The following RLN3 variants were observed in gnomAD, a reference collection of about 807,000 sequenced individuals.
RLN3 encodes relaxin 3.
Under a neutral mutation model 10.2 loss-of-function variants are expected in RLN3, and 13 were observed. The observed-to-expected ratio is 1.28, with a 90% CI of 0.83 to 2.03. RLN3 has a LOEUF of 2.03. Among genes scored for constraint, RLN3 ranks in the 30% most tolerant of loss-of-function variants. The pLI, the probability that RLN3 is intolerant of heterozygous loss-of-function variation, is 0.00. For synonymous variants in RLN3, 56 were observed against 79.2 expected, an observed-to-expected ratio of 0.71 and a Z score of 1.56; for missense variants, 191 against 187.2, an observed-to-expected ratio of 1.02 and a Z score of -0.12.
chr19:14,030,722 C>G lies in RLN3; in HGVS notation c.203C>G (p.Pro68Arg). 1 of 1,614,112 alleles carries G rather than the reference C, an allele frequency of 6.2e-7. No homozygotes were observed. Among genetic ancestry groups the G allele is most frequent in the East Asian group, 2.2e-5 (1 of 44,886 alleles). ...LAHEAMGDTF[P>R]DADADEDSLA... Reference sequence around the variant, plus strand: ...TCATCTTTTGCAGGAGATACCTTCCCGGATGCAGATGCTGATGAAGACAGT... The same window carrying G: ...TCATCTTTTGCAGGAGATACCTTCCGGGATGCAGATGCTGATGAAGACAGT... The change falls in exon 2 of 2, where the codon CCG becomes CGG. Residue 68 changes from proline (P) to arginine (R), a missense_variant. Transcript: ENST00000431365.
rs202200397 is a variant in RLN3 at position 14,030,850 on chromosome 19, C to T, written c.331C>T (p.Pro111Ser). 2 of 1,613,094 alleles carry T rather than the reference C, an allele frequency of 1.2e-6. No homozygotes were observed. Among genetic ancestry groups the T allele is most frequent in the East Asian group, 2.2e-5 (1 of 44,868 alleles). Residue 111 changes from proline (P) to serine (S), a missense_variant, in exon 2 of 2, where the codon CCT (proline) becomes TCT (serine). Transcript: ENST00000431365. ...GGGGCGACCCAGCTGGCAAGGAACC[C>T]CTGGGGTTCTTCGGGGCAGCCGAGA... ...YRGRPSWQGTPGVLRGSRDVL... is the reference protein window; with the variant it reads ...YRGRPSWQGTSGVLRGSRDVL...
chr19:14,030,709 G>GAT lies in RLN3; in HGVS notation c.191-1_191insAT (p.Gly64AspfsTer31). On this transcript the variant is annotated frameshift_variant and splice_region_variant. Coordinates refer to ENST00000431365, the MANE Select transcript of RLN3 (RefSeq NM_080864.4). LOFTEE classifies it high-confidence loss of function. ...TCACTAACTCTGTTCATCTTTTGCA[G>GAT]GAGATACCTTCCCGGATGCAGATGC... 1.2e-6 allele frequency: 2 copies of GAT among 1,613,850 alleles called. No individual in the cohort carries two copies. The highest frequency in any genetic ancestry group is 1.7e-6 in the Non-Finnish European group (2 of 1,179,668).
Position 14,030,851 on chromosome 19 carries a change from C to T in RLN3, c.332C>T (p.Pro111Leu), listed in dbSNP as rs1975793623. 2.5e-6 allele frequency: 4 copies of T among 1,613,078 alleles called. No individual in the cohort carries two copies. The highest frequency in any genetic ancestry group is 3.4e-6 in the Non-Finnish European group (4 of 1,179,220). ...YRGRPSWQGT[P>L]GVLRGSRDVL... is the part of the protein sequence containing the mutation. Reference sequence around the variant, plus strand: ...GGGCGACCCAGCTGGCAAGGAACCCCTGGGGTTCTTCGGGGCAGCCGAGAT... The same window carrying T: ...GGGCGACCCAGCTGGCAAGGAACCCTTGGGGTTCTTCGGGGCAGCCGAGAT... Residue 111 changes from proline (P) to leucine (L), a missense_variant, in exon 2 of 2, where the codon CCT (proline) becomes CTT (leucine). Coordinates refer to ENST00000431365, the MANE Select transcript of RLN3 (RefSeq NM_080864.4).
At chr19:14,028,418 G>A (rs966398744) in intron 1 of RLN3, 24 bp downstream of exon 1, 2 of 1,592,118 alleles carry the variant, frequency 1.3e-6, no homozygotes, top group East Asian at 2.2e-5. Flanking sequence ...GAGAGTGGAT[G>A]TAGAAGGGGA....
At chr19:14,030,577 A>G (rs1406957135) in intron 1 of RLN3, 133 bp from the exon 2 acceptor site, 2 of 850,978 alleles carry the variant, frequency 2.4e-6, no homozygotes, top group South Asian at 2.9e-5. Flanking sequence ...TGAACCCAGG[A>G]CTGGGTGGAA....
intron 1 of RLN3, chr19:14,030,206 T>C (rs926399089): frequency 1.6e-5 from 11 of 691,682 alleles, no homozygotes; most frequent in Admixed American, 6.4e-5. Context: ...CTTATAAAAC[T>C]TGAGAAGGTT....
chr19:14,028,301 A>G lies in RLN3; in HGVS notation c.97A>G (p.Arg33Gly), dbSNP rs142418208. ...AEARAAPYGV[R>G]LCGREFIRAV... The stretch of plus-strand genomic sequence containing the variant: ...GGCCCGGGCAGCGCCTTACGGGGTC[A>G]GGCTTTGCGGCCGAGAATTCATCCG... Residue 33 changes from arginine to glycine, a missense_variant, in exon 1 of 2, where the codon AGG becomes GGG. Coordinates refer to ENST00000431365, the MANE Select transcript of RLN3 (RefSeq NM_080864.4). 2.6e-4 allele frequency: 415 copies of G among 1,613,902 alleles called. 3 individuals are homozygous for G. The African/African-American group carries it at 5.2e-3, about 20-fold the overall frequency.
At chr19:14,029,997 A>G (rs1975773085) in intron 1 of RLN3, among the ~76,000 whole-genome samples, 1 of 151,200 alleles carries the variant, frequency 6.6e-6, no homozygotes, top group African/African-American at 2.4e-5. Context: ...CTAACTTTTT[A>G]TTATTTGTAG....
intron 1 of RLN3, among the ~76,000 whole-genome samples, 164 bp downstream of exon 1, chr19:14,028,558 AGCAGAGCT>A (rs1975751517): frequency 6.6e-6 from 1 of 151,598 alleles, no homozygotes; most frequent in East Asian, 2.0e-4. Flanking sequence ...CTCAGGAGTT[AGCAGAGCT>A]GCAGAGCTGG....
intron 1 of RLN3, chr19:14,030,162 G>A: frequency 1.6e-6 from 1 of 643,500 alleles, no homozygotes; most frequent in Non-Finnish European, 2.8e-6. Context: ...TCCAGACATT[G>A]TTCTAAGTTT....
In RLN3 at chr19:14,030,735, T is replaced by C. The variant is rs777729246; in HGVS notation, c.216T>C (p.Ala72=). The C allele has an allele frequency of 6.2e-7, 1 of 1,614,090 alleles. No homozygotes were observed. The change falls in exon 2 of 2, where the codon GCT becomes GCC. Residue 72 remains alanine (A), a synonymous_variant. Coordinates refer to ENST00000431365, the MANE Select transcript of RLN3 (RefSeq NM_080864.4). ...GAGATACCTTCCCGGATGCAGATGCTGATGAAGACAGTCTGGCAGGCGAGC... is the reference window on the plus strand; with the variant it reads ...GAGATACCTTCCCGGATGCAGATGCCGATGAAGACAGTCTGGCAGGCGAGC... ...AMGDTFPDAD[A]DEDSLAGELD...
At chr19:14,028,892 C>T (rs1343136405) in intron 1 of RLN3, among the ~76,000 whole-genome samples, 3 of 151,986 alleles carry the variant, frequency 2.0e-5, no homozygotes, top group Admixed American at 1.3e-4. Flanking sequence ...CTCCTGCCTC[C>T]GCCTCCAGAG....
Position 14,031,304 on chromosome 19 carries a change from A to G in RLN3, c.*356A>G, listed in dbSNP as rs114423066. On this transcript the variant is annotated 3_prime_UTR_variant, in exon 2 of 2. Coordinates refer to ENST00000431365, the MANE Select transcript of RLN3 (RefSeq NM_080864.4). ...CTCTACCTAGGCTGGCCACACAGAG[A>G]CCCCTGCCCCCTTCCCAGTCCAAAC... 2.7e-4 allele frequency: 68 copies of G among 249,670 alleles called. No individual in the cohort carries two copies. The highest frequency in any genetic ancestry group is 1.5e-3 in the African/African-American group (64 of 43,876). The allele number at this position is 249,670 out of a possible 1,614,324, so 15.5% of individuals were successfully genotyped here.
chr19:14,028,932 G>T (rs1047084599), intron 1 of RLN3, among the ~76,000 whole-genome samples: 14 of 151,974 alleles, frequency 9.2e-5, no homozygotes, highest in African/African-American at 2.9e-4. Flanking sequence ...CTGACACCAT[G>T]CCTGGCTAGT....
rs1975809421 is a variant in RLN3 at position 14,031,545 on chromosome 19, G to C, written c.*597G>C. On this transcript the variant is annotated 3_prime_UTR_variant, in exon 2 of 2. Coordinates refer to ENST00000431365, the MANE Select transcript of RLN3 (RefSeq NM_080864.4). Reference sequence around the variant, plus strand: ...CAAACTCCAATAATAAAAATTCGAAGACTTTGGCAGAGAGTGTGTGTGTGT... The same window carrying C: ...CAAACTCCAATAATAAAAATTCGAACACTTTGGCAGAGAGTGTGTGTGTGT... The C allele has an allele frequency of 2.6e-6, 1 of 387,566 alleles. No individual in the cohort carries two copies. The highest frequency in any genetic ancestry group is 4.5e-5 in the East Asian group (1 of 22,104). 24.0% of individuals were successfully genotyped at this position (387,566 alleles called of 1,614,324 possible).
Position 14,028,246 on chromosome 19 carries a change from G to C in RLN3, c.42G>C (p.Val14=). 3.7e-6 allele frequency: 6 copies of C among 1,611,714 alleles called. No individual in the cohort carries two copies. Among genetic ancestry groups the C allele is most frequent in the Non-Finnish European group, 5.1e-6 (6 of 1,179,028 alleles). The change falls in exon 1 of 2, where the codon GTG becomes GTC. Residue 14 remains valine (V), a synonymous_variant. Transcript: ENST00000431365. The part of the protein sequence containing the change: ...YMLLLLLAVW[V]LTGELWPGAE... Reference sequence around the variant, plus strand: ...TGCTGCTGCTCCTGGCGGTATGGGTGCTGACCGGGGAGCTGTGGCCGGGAG... The same window carrying C: ...TGCTGCTGCTCCTGGCGGTATGGGTCCTGACCGGGGAGCTGTGGCCGGGAG...
intron 1 of RLN3, chr19:14,030,460 G>C: frequency 1.5e-6 from 1 of 671,788 alleles, no homozygotes; most frequent in East Asian, 2.7e-5. Flanking sequence ...AGGAGTTTGC[G>C]ACCAGCCTGA....
Position 14,028,311 on chromosome 19 carries a change from G to T in RLN3, c.107G>T (p.Gly36Val), listed in dbSNP as rs762726987. Residue 36 changes from glycine to valine, a missense_variant, in exon 1 of 2, where the codon GGC becomes GTC. Transcript: ENST00000431365. ...RAAPYGVRLC[G>V]REFIRAVIFT... ...GCGCCTTACGGGGTCAGGCTTTGCG[G>T]CCGAGAATTCATCCGAGCAGTCATC... 5 of 1,613,872 alleles carry T rather than the reference G, an allele frequency of 3.1e-6. No homozygotes were observed. The highest frequency in any genetic ancestry group is 4.2e-6 in the Non-Finnish European group (5 of 1,180,006).
intron 1 of RLN3, chr19:14,030,469 G>A (rs755681726): frequency 1.5e-5 from 10 of 663,682 alleles, no homozygotes; most frequent in Non-Finnish European, 2.5e-5. Flanking sequence ...CGACCAGCCT[G>A]AACAACATGG....
Sources: gnomAD v4.1 joint callset for allele counts (sites outside exome capture counted in the v4.1 genomes callset) on GRCh38, gnomAD v4.1.1 for gene constraint, MANE v1.5 for transcripts, NCBI Gene and HGNC (gene_info 2026-07-23, HGNC 2026-07-21) for gene names.